The following PPIG variants were observed in gnomAD, a reference collection of about 807,000 sequenced individuals.
PPIG encodes the protein peptidylprolyl isomerase G.
A neutral mutation model predicts 87.9 loss-of-function variants in PPIG; 26 were observed. The observed-to-expected ratio is 0.30, with a 90% CI of 0.22 to 0.41. The LOEUF (loss-of-function observed/expected upper bound fraction) is 0.41, where lower values mean the gene tolerates loss of function less well. PPIG is among the 10% of genes least tolerant of loss of function. The pLI is 1.00. For synonymous variants in PPIG, 308 were observed against 276.5 expected (o/e 1.11, Z -1.13); for missense variants, 722 against 879.4 (o/e 0.82, Z 2.26).
At chr2:169,589,554 A>C (rs1026231756) in intron 1 of PPIG, among the ~76,000 whole-genome samples, 18 of 152,218 alleles carry the variant, frequency 1.2e-4, no homozygotes, top group Non-Finnish European at 1.6e-4. Context: ...AAGAGGTGGA[A>C]ATCTTATATA....
chr2:169,601,939 G>C (rs1477775125), intron 1 of PPIG, among the ~76,000 whole-genome samples: 1 of 151,562 alleles, frequency 6.6e-6, no homozygotes, highest in Non-Finnish European at 1.5e-5. Flanking sequence ...TTTTTGTTTA[G>C]TATATTTTGA....
At position 169,638,891 on chromosome 2, in the gene PPIG, T is replaced by C. The variant is rs1015945140; in HGVS notation, c.*1368T>C. ...CCTCATTTGAAAAGGAATTTCAAAA[T>C]TCCAATTAATAGGATTCTCTAGAGA... On this transcript the variant is annotated 3_prime_UTR_variant, in exon 14 of 14. Coordinates refer to ENST00000260970, the MANE Select transcript of PPIG (RefSeq NM_004792.3). The C allele has an allele frequency of 6.6e-6, 1 of 152,032 alleles. No individual in the cohort carries two copies. Among genetic ancestry groups the C allele is most frequent in the African/African-American group, 2.4e-5 (1 of 41,440 alleles). 9.4% of individuals were successfully genotyped at this position (152,032 alleles called of 1,614,324 possible).
At chr2:169,611,693 C>T (rs1685493045) in intron 7 of PPIG, among the ~76,000 whole-genome samples, 2 of 152,034 alleles carry the variant, frequency 1.3e-5, no homozygotes, top group African/African-American at 4.8e-5. Flanking sequence ...AATTTATTTT[C>T]CTCTTTTAAA....
chr2:169,637,346 TC>T lies in PPIG; in HGVS notation c.2089del (p.Gln697ArgfsTer5), dbSNP rs753428950. On this transcript the variant is annotated frameshift_variant, in exon 14 of 14. Transcript: ENST00000260970. LOFTEE classifies it high-confidence loss of function. ...CCTTCTCAAAAATAAAACAAAGCAG[TC>T]AGGACAATGAATTAAAGTCCTCCAT... ...SPFSKIKQSS[Q>X]DNELKSSMLK... The T allele has an allele frequency of 6.2e-7, 1 of 1,609,714 alleles. No individual in the cohort carries two copies. Among genetic ancestry groups the T allele is most frequent in the East Asian group, 2.2e-5 (1 of 44,816 alleles).
chr2:169,621,385 A>G (rs1329583643), intron 9 of PPIG, among the ~76,000 whole-genome samples: 1 of 152,068 alleles, frequency 6.6e-6, no homozygotes, highest in Non-Finnish European at 1.5e-5. Context: ...AGTTATTGCA[A>G]TAAATTATTG....
chr2:169,630,723 A>T, intron 9 of PPIG, 51 bp from the exon 10 acceptor site: 1 of 1,470,090 alleles, frequency 6.8e-7, no homozygotes, highest in South Asian at 1.2e-5. Context: ...ATCTCCTTCC[A>T]CAAAGTTTGT....
chr2:169,627,923 T>A (rs1367871764), intron 9 of PPIG, among the ~76,000 whole-genome samples: 1 of 152,146 alleles, frequency 6.6e-6, no homozygotes, highest in Non-Finnish European at 1.5e-5. Flanking sequence ...TTGCACAATT[T>A]TATGTTTTTA....
At chr2:169,617,253 G>A (rs1206178909) in intron 9 of PPIG, among the ~76,000 whole-genome samples, 3 of 152,080 alleles carry the variant, frequency 2.0e-5, no homozygotes, top group Non-Finnish European at 4.4e-5. Context: ...TGCTGTTTTG[G>A]TTACTGTAGC....
rs1686272506 is a variant in PPIG at position 169,639,829 on chromosome 2, T to C, written c.*2306T>C. ...TGTTACATTTAGTAGTTGTGCCATC[T>C]TTAGTTTTTGCTTTGAACATTGTTT... On this transcript the variant is annotated 3_prime_UTR_variant, in exon 14 of 14. Coordinates refer to ENST00000260970, the MANE Select transcript of PPIG (RefSeq NM_004792.3). 6.6e-6 allele frequency: 1 copy of C among 152,166 alleles called. No homozygotes were observed. The highest frequency in any genetic ancestry group is 2.4e-5 in the African/African-American group (1 of 41,442). 9.4% of individuals were successfully genotyped at this position (152,166 alleles called of 1,614,324 possible).
chr2:169,608,026 C>T (rs1369619802), intron 6 of PPIG, among the ~76,000 whole-genome samples: 2 of 152,052 alleles, frequency 1.3e-5, no homozygotes, highest in African/African-American at 2.4e-5. Context: ...CTACTGTGCT[C>T]AGCTGTTTCT....
Position 169,636,478 on chromosome 2 carries a change from C to T in PPIG, c.1220C>T (p.Thr407Ile), listed in dbSNP as rs1279057194. Residue 407 changes from threonine (T) to isoleucine (I), a missense_variant, in exon 14 of 14, where the codon ACA becomes ATA. Physicochemically the swap from Thr to Ile is moderately conservative, Grantham distance 89. This residue lies in a region of PPIG where 476 missense variants were observed against 483.1 expected (regional missense o/e 0.99). Coordinates refer to ENST00000260970, the MANE Select transcript of PPIG (RefSeq NM_004792.3). ...GTTAGAGTAAAAGAGAGAAAAATAA[C>T]AGATCACAGGAATGTATCTGAGAGT... Reference protein sequence around the residue: ...SPVRVKERKITDHRNVSESPN... With the variant: ...SPVRVKERKIIDHRNVSESPN... 2 of 1,582,910 alleles carry T rather than the reference C, an allele frequency of 1.3e-6. No homozygotes were observed. The highest frequency in any genetic ancestry group is 1.4e-5 in the African/African-American group (1 of 72,946).
At chr2:169,602,093 T>C (rs1234714792) in intron 1 of PPIG, among the ~76,000 whole-genome samples, 1 of 152,212 alleles carries the variant, frequency 6.6e-6, no homozygotes, top group African/African-American at 2.4e-5. Flanking sequence ...AAATTATTTT[T>C]TAAGTTGTAT....
At chr2:169,614,427 C>T (rs769142228) in intron 7 of PPIG, 37 bp from the exon 8 acceptor site, 82 of 1,504,562 alleles carry the variant, frequency 5.5e-5, no homozygotes, top group Admixed American at 2.1e-5. Flanking sequence ...TTTTCTCTGA[C>T]TTTGTTTTTA....
Position 169,627,704 on chromosome 2 carries a change from C to CTTTT in PPIG, c.548-3052_548-3049dup, listed in dbSNP as rs777197172. ...GCCATGCCCCTAGCCAGTGGGCTTG[C>CTTTT]TTTTTTTTTTTTTTTTTTTTTAATT... is the stretch of plus-strand genomic sequence containing the variant. On this transcript the variant is annotated intron_variant, in intron 9 of 13. Transcript: ENST00000260970. Among the ~76,000 whole-genome samples, 133 of 101,890 alleles carry CTTTT rather than the reference C, an allele frequency of 1.3e-3. 2 individuals are homozygous for CTTTT. Among genetic ancestry groups the CTTTT allele is most frequent in the South Asian group, 5.9e-3 (18 of 3,068 alleles). 66.8% of individuals were successfully genotyped at this position (101,890 alleles called of 152,430 possible).
chr2:169,598,039 C>T (rs1036328491), intron 1 of PPIG, among the ~76,000 whole-genome samples: 2 of 149,680 alleles, frequency 1.3e-5, no homozygotes, highest in Non-Finnish European at 3.0e-5. Context: ...CCCACTCTGT[C>T]GCCCAATCTG....
At chr2:169,598,457 AT>A (rs1685083004) in intron 1 of PPIG, among the ~76,000 whole-genome samples, 1 of 151,680 alleles carries the variant, frequency 6.6e-6, no homozygotes, top group African/African-American at 2.4e-5. Context: ...CACCCGGCTA[AT>A]TTTTTTGTAT....
rs761266477 is a variant in PPIG, at chr2:169,636,880, G to T, written c.1622G>T (p.Arg541Leu). ...AGTAAAAGTAAGGAAAAGGATAGAC[G>T]CGCACAATCCAGGAGTAGAGAATGT... ...DHSKSKEKDR[R>L]AQSRSRECDI... The change falls in exon 14 of 14, where the codon CGC becomes CTC. Residue 541 changes from arginine (R) to leucine (L), a missense_variant. Transcript: ENST00000260970. The T allele has an allele frequency of 6.2e-7, 1 of 1,613,644 alleles. No individual in the cohort carries two copies. The highest frequency in any genetic ancestry group is 8.5e-7 in the Non-Finnish European group (1 of 1,179,954).
intron 11 of PPIG, 68 bp from the exon 12 acceptor site, chr2:169,633,092 A>T: frequency 1.6e-6 from 2 of 1,213,720 alleles, no homozygotes; most frequent in Non-Finnish European, 2.4e-6. Flanking sequence ...CATTTTTATT[A>T]AAGTAACATG....
At chr2:169,609,329 C>G (rs928366837) in intron 7 of PPIG, among the ~76,000 whole-genome samples, 2 of 151,992 alleles carry the variant, frequency 1.3e-5, no homozygotes, top group Non-Finnish European at 2.9e-5. Context: ...TACACCTCAG[C>G]CTTTCAAGTA....
Sources: allele counts gnomAD v4.1 joint callset (sites outside exome capture counted in the v4.1 genomes callset), GRCh38; gene constraint gnomAD v4.1.1; regional missense constraint gnomAD v4.1.1; transcripts MANE v1.5; gene names NCBI Gene and HGNC (gene_info 2026-07-23, HGNC 2026-07-21).